The following STAG2 variants were observed in gnomAD, a reference collection of about 807,000 sequenced individuals.
STAG2 encodes the protein cohesin subunit SA-2.
A neutral mutation model predicts 108.1 loss-of-function variants in STAG2; 14 were observed. The ratio of observed to expected loss-of-function variants is 0.13; its 90% CI spans 0.09 to 0.20. STAG2 has a LOEUF of 0.20. Among genes scored for constraint, STAG2 ranks in the 10% least tolerant of loss-of-function variants. STAG2 has a pLI of 1.00. For missense variants in STAG2, 440 were observed against 940.9 expected, an observed-to-expected ratio of 0.47 and a Z score of 6.96; for synonymous variants, 307 against 302.7, an observed-to-expected ratio of 1.01 and a Z score of -0.15.
At chrX:123,964,087 TTAAACATTTCCATAGTTTAAGA>T (rs752058725) in intron 1 of STAG2, among the ~76,000 whole-genome samples, 1 of 111,732 alleles carries the variant, frequency 8.9e-6, no homozygotes, top group South Asian at 3.7e-4. Flanking sequence ...GTGCGTGCTG[TTAAACATTTCCATAGTTTAAGA>T]TAAACTTTTT....
intron 34 of STAG2, among the ~76,000 whole-genome samples, 169 bp from the exon 35 acceptor site, chrX:124,100,405 A>G (rs2059484499): frequency 9.0e-6 from 1 of 111,381 alleles, no homozygotes; most frequent in Admixed American, 9.7e-5. Flanking sequence ...ATTATATATC[A>G]TGGTCAATTT....
Position 124,051,321 on chromosome X carries a change from A to G in STAG2, c.1123A>G (p.Ile375Val). 8.3e-7 allele frequency: 1 copy of G among 1,198,208 alleles called. No homozygotes were observed. Among genetic ancestry groups the G allele is most frequent in the Non-Finnish European group, 1.1e-6 (1 of 888,346 alleles). Residue 375 changes from isoleucine (I) to valine (V), a missense_variant, in exon 13 of 35, where the codon ATT (isoleucine) becomes GTT (valine). By Grantham distance (29) the Ile-to-Val change is conservative. This residue lies in a region of STAG2 where 69 missense variants were observed against 254.9 expected (regional missense o/e 0.27). Transcript: ENST00000371145. Reference protein sequence around the residue: ...ELFTSRFKDRIVSMTLDKEYD... With the variant: ...ELFTSRFKDRVVSMTLDKEYD... ...TTAATTTTTTTGTCCTTAGGATAGA[A>G]TTGTGTCTATGACCCTTGACAAAGA... is the stretch of plus-strand genomic sequence containing the variant.
intron 1 of STAG2, among the ~76,000 whole-genome samples, chrX:123,991,246 A>G (rs1296681896): frequency 4.4e-5 from 5 of 112,479 alleles, no homozygotes; most frequent in Non-Finnish European, 9.4e-5. Context: ...CTTCATATCC[A>G]TGGTTACCCA....
rs1569506973 is a variant in STAG2 at position 124,028,813 on chromosome X, TA to T, written c.124-2147del. On this transcript the variant is annotated intron_variant, in intron 4 of 34. Coordinates refer to ENST00000371145, the MANE Select transcript of STAG2 (RefSeq NM_001042750.2). ...AATAGTTTATATATATATATATATA[TA>T]TATATATATTTTTTTTTTTATAGAG... 4.0e-4 allele frequency among the ~76,000 whole-genome samples: 36 copies of T among 89,317 alleles called. 1 individual carries two copies. Among genetic ancestry groups the T allele is most frequent in the African/African-American group, 1.3e-3 (30 of 22,943 alleles). The allele number at this position is 89,317 out of a possible 115,157, so 77.6% of individuals were successfully genotyped here. A position where few individuals can be genotyped will look rare whatever the true frequency, so the allele number is the denominator to read the frequency against.
intron 4 of STAG2, among the ~76,000 whole-genome samples, chrX:124,028,822 A>ATT (rs767163177): frequency 5.4e-4 from 21 of 38,966 alleles, no homozygotes; most frequent in African/African-American, 2.2e-3. Flanking sequence ...ATATATATAT[A>ATT]TTTTTTTTTT....
At chrX:124,068,793 A>C (rs753396444) in intron 24 of STAG2, 137 bp downstream of exon 24, 4 of 382,722 alleles carry the variant, frequency 1.0e-5, no homozygotes, top group Non-Finnish European at 1.8e-5. Flanking sequence ...TATACTAAAA[A>C]AATAGGTTAA....
intron 1 of STAG2, among the ~76,000 whole-genome samples, chrX:124,003,958 T>G (rs1003107787): frequency 8.9e-6 from 1 of 111,927 alleles, no homozygotes; most frequent in Non-Finnish European, 1.9e-5. Context: ...ATACTCCTGA[T>G]GAAACATTTT....
At chrX:123,966,752 T>G (rs1284631276) in intron 1 of STAG2, among the ~76,000 whole-genome samples, 1 of 112,172 alleles carries the variant, frequency 8.9e-6, no homozygotes, top group Non-Finnish European at 1.9e-5. Context: ...TTTAAAAATC[T>G]ATGCATCTTC....
chrX:124,089,460 C>A (rs1312770726), intron 30 of STAG2, among the ~76,000 whole-genome samples: 3 of 111,523 alleles, frequency 2.7e-5, no homozygotes, highest in South Asian at 3.8e-4. Context: ...GGCCCCCTTG[C>A]AGTTGCCTCT....
chrX:123,974,452 C>G (rs2054522673), intron 1 of STAG2, among the ~76,000 whole-genome samples: 1 of 108,888 alleles, frequency 9.2e-6, no homozygotes, highest in African/African-American at 3.3e-5. Flanking sequence ...TATCGAACTC[C>G]TGAGCTCAAG....
upstream of STAG2, chrX:123,960,747 AG>A (rs1352581219): frequency 9.4e-6 from 1 of 106,845 alleles, no homozygotes; most frequent in Non-Finnish European, 1.9e-5. Context: ...TGTAAAGAAG[AG>A]GAAGGGGAAA....
At chrX:124,076,220 GT>G in intron 25 of STAG2, 111 bp from the exon 26 acceptor site, 1 of 757,123 alleles carries the variant, frequency 1.3e-6, no homozygotes, top group Non-Finnish European at 1.9e-6. Flanking sequence ...TAATTTTAAT[GT>G]TTTTCCCTTT....
Position 124,008,216 on chromosome X carries a change from T to C in STAG2, c.-162-13151T>C, listed in dbSNP as rs755115422. On this transcript the variant is annotated intron_variant, in intron 1 of 34. Transcript: ENST00000371145. ...TTATTATTATTATTAATTTTCTTTC[T>C]TTTTTTTTTTTTTTGAGATGGAGTT... 1.5e-3 allele frequency among the ~76,000 whole-genome samples: 145 copies of C among 97,953 alleles called. 1 individual carries two copies. The highest frequency in any genetic ancestry group is 1.9e-3 in the Non-Finnish European group (94 of 48,538). The allele number at this position is 97,953 out of a possible 115,157, so 85.1% of individuals were successfully genotyped here. A position where few individuals can be genotyped will look rare whatever the true frequency, so the allele number is the denominator to read the frequency against.
At position 124,005,573 on chromosome X, in the gene STAG2, C is replaced by T. The variant is rs1278944737; in HGVS notation, c.-162-15794C>T. On this transcript the variant is annotated intron_variant, in intron 1 of 34. Transcript: ENST00000371145. The stretch of plus-strand genomic sequence containing the variant: ...TAAATGGAAATCATACTGTATATAA[C>T]TATTGAGTTTTTGTTTTGTTTTGTT... Among the ~76,000 whole-genome samples, 7 of 111,720 alleles carry T rather than the reference C, an allele frequency of 6.3e-5. 1 individual carries two copies. The highest frequency in any genetic ancestry group is 4.8e-4 in the Admixed American group (5 of 10,477).
chrX:123,999,474 C>T (rs2055920175), intron 1 of STAG2, among the ~76,000 whole-genome samples: 1 of 111,370 alleles, frequency 9.0e-6, no homozygotes, highest in Non-Finnish European at 1.9e-5. Context: ...GACAGGATCT[C>T]CCTCTGTCAC....
At chrX:124,064,688 C>T (rs1387747073) in intron 20 of STAG2, among the ~76,000 whole-genome samples, 1 of 111,163 alleles carries the variant, frequency 9.0e-6, no homozygotes, top group Non-Finnish European at 1.9e-5. Context: ...AGGTGATCCA[C>T]TCACCTCGGC....
chrX:124,001,197 T>C (rs915444628), intron 1 of STAG2, among the ~76,000 whole-genome samples: 1 of 110,995 alleles, frequency 9.0e-6, no homozygotes, highest in African/African-American at 3.3e-5. Context: ...TTCAAGCGAT[T>C]CTCCTGCCTC....
At chrX:124,021,005 GA>G (rs990137307) in intron 1 of STAG2, among the ~76,000 whole-genome samples, 41 of 111,960 alleles carry the variant, frequency 3.7e-4, no homozygotes, top group African/African-American at 1.2e-3. Flanking sequence ...GTATCTTTCA[GA>G]AAAAAAATAA....
At chrX:124,063,324 A>G in intron 19 of STAG2, 119 bp downstream of exon 19, 1 of 536,313 alleles carries the variant, frequency 1.9e-6, no homozygotes, top group Non-Finnish European at 3.0e-6. Context: ...AAGGAAACCT[A>G]TAGCTTAGGT....
Sources: gnomAD v4.1 joint callset for allele counts (sites outside exome capture counted in the v4.1 genomes callset) on GRCh38, gnomAD v4.1.1 for gene constraint, gnomAD v4.1.1 regional missense constraint, MANE v1.5 for transcripts, NCBI Gene and HGNC (gene_info 2026-07-23, HGNC 2026-07-21) for gene names.